BMP7: variants seen among roughly 807,000 people sequenced by gnomAD.
The protein encoded by BMP7 is osteogenic protein 1.
In BMP7, 12 loss-of-function variants were observed where a neutral mutation model predicts 41.2. The ratio of observed to expected loss-of-function variants is 0.29; its 90% CI spans 0.19 to 0.47. The LOEUF is 0.47. Ranked by LOEUF, BMP7 falls within the 20% of genes least tolerant of loss-of-function variation. The pLI is 0.99. For missense variants in BMP7, 467 were observed against 606.0 expected (o/e 0.77, Z 2.41); for synonymous variants, 248 against 250.0 (o/e 0.99, Z 0.07).
intron 4 of BMP7, among the ~76,000 whole-genome samples, 153 bp from the exon 5 acceptor site, chr20:57,175,160 G>T (rs955918110): frequency 2.0e-5 from 3 of 152,212 alleles, no homozygotes; most frequent in African/African-American, 7.2e-5. Flanking sequence ...CAGTTCGAGG[G>T]TCTAACTGCC....
rs2066153557 is a variant in BMP7 at position 57,261,434 on chromosome 20, A to G, written c.418+4271T>C. On this transcript the variant is annotated intron_variant, in intron 1 of 6. Transcript: ENST00000395863. The surrounding 1 kb of genome is among the most constrained non-coding windows in gnomAD (Gnocchi z 4.1). ...AAGTTGGCATCCAGGGCTCAGCCTT[A>G]CCCTGCCTTGATTCCAGAAGGAAAA... 6.6e-6 allele frequency among the ~76,000 whole-genome samples: 1 copy of G among 152,190 alleles called. No homozygotes were observed. The highest frequency in any genetic ancestry group is 1.5e-5 in the Non-Finnish European group (1 of 68,036).
chr20:57,227,009 TAG>T (rs2123116249), intron 2 of BMP7, among the ~76,000 whole-genome samples: 1 of 152,184 alleles, frequency 6.6e-6, no homozygotes, highest in Non-Finnish European at 1.5e-5. Flanking sequence ...CTATTTTTAG[TAG>T]AGACGGGGTT....
chr20:57,220,603 C>T (rs1036567858), intron 2 of BMP7, among the ~76,000 whole-genome samples: 3 of 152,170 alleles, frequency 2.0e-5, no homozygotes, highest in Non-Finnish European at 2.9e-5. Flanking sequence ...TTCCCAAATG[C>T]ATCCCAGTGT....
chr20:57,190,590 G>A (rs1600733146), intron 3 of BMP7, among the ~76,000 whole-genome samples: 2 of 152,214 alleles, frequency 1.3e-5, no homozygotes, highest in East Asian at 3.9e-4. Flanking sequence ...ACGTGGCCAG[G>A]GTTCTGTGGT....
intron 3 of BMP7, among the ~76,000 whole-genome samples, chr20:57,198,109 G>C (rs1186856459): frequency 2.0e-5 from 2 of 100,274 alleles, no homozygotes. Context: ...CTCTCCTCTT[G>C]CTCTCCTCTC....
At chr20:57,216,539 C>T (rs1057233579) in intron 2 of BMP7, among the ~76,000 whole-genome samples, 73 of 150,100 alleles carry the variant, frequency 4.9e-4, no homozygotes, top group Non-Finnish European at 2.4e-4. Context: ...AGGGGGCTGT[C>T]TCCTGAGGGC....
chr20:57,175,685 C>T (rs1368169343), intron 4 of BMP7, among the ~76,000 whole-genome samples: 1 of 152,194 alleles, frequency 6.6e-6, no homozygotes, highest in African/African-American at 2.4e-5. Context: ...GTCTGTCTGT[C>T]TTGTCTCTCT....
rs371949372 is a variant in BMP7 at position 57,183,963 on chromosome 20, G to A, written c.761-44C>T. The A allele has an allele frequency of 1.8e-4, 283 of 1,602,656 alleles. 1 individual carries two copies. The highest frequency in any genetic ancestry group is 6.8e-5 in the Admixed American group (4 of 59,214). ...AGTGCACAGAAGAGTAGTTACAGGA[G>A]GGCCACGAGCGGGACAGGGCTGCAG... On this transcript the variant is annotated intron_variant, in intron 3 of 6. Transcript: ENST00000395863.
At chr20:57,185,808 G>C (rs1450798539) in intron 3 of BMP7, among the ~76,000 whole-genome samples, 4 of 152,124 alleles carry the variant, frequency 2.6e-5, no homozygotes, top group African/African-American at 9.7e-5. Context: ...TCAGGGCAGA[G>C]CTTTGCATAC....
intron 2 of BMP7, among the ~76,000 whole-genome samples, chr20:57,218,028 G>A (rs919955390): frequency 6.6e-6 from 1 of 152,234 alleles, no homozygotes. Context: ...GATATCAACA[G>A]ACATCTGTAT....
At position 57,259,760 on chromosome 20, in the gene BMP7, C is replaced by T. The variant is rs925934093; in HGVS notation, c.418+5945G>A. 6.6e-6 allele frequency among the ~76,000 whole-genome samples: 1 copy of T among 152,164 alleles called. No individual in the cohort carries two copies. Among genetic ancestry groups the T allele is most frequent in the Non-Finnish European group, 1.5e-5 (1 of 68,032 alleles). ...AAACTTCATGCACTCTAATATCCCC[C>T]CAAATCATAAACACTCTACTTTGGA... On this transcript the variant is annotated intron_variant, in intron 1 of 6. Coordinates refer to ENST00000395863, the MANE Select transcript of BMP7 (RefSeq NM_001719.3). The surrounding 1 kb of genome is among the most constrained non-coding windows in gnomAD (Gnocchi z 4.7).
chr20:57,226,078 G>C, intron 2 of BMP7: 1 of 407,476 alleles, frequency 2.5e-6, no homozygotes, highest in South Asian at 1.8e-5. Context: ...CAGGGAGGAC[G>C]CCTGGAACGC....
At chr20:57,201,005 A>G (rs912158540) in intron 3 of BMP7, among the ~76,000 whole-genome samples, 1 of 152,094 alleles carries the variant, frequency 6.6e-6, no homozygotes, top group African/African-American at 2.4e-5. Context: ...TCTCCTTTAC[A>G]TGTGTATTAC....
At chr20:57,206,081 A>G (rs150170043) in intron 2 of BMP7, among the ~76,000 whole-genome samples, 26 of 152,280 alleles carry the variant, frequency 1.7e-4, no homozygotes, top group African/African-American at 5.1e-4. Flanking sequence ...GAGAGGGGGA[A>G]TTTCTAGCTG....
At chr20:57,210,319 G>A (rs1445260368) in intron 2 of BMP7, among the ~76,000 whole-genome samples, 1 of 152,202 alleles carries the variant, frequency 6.6e-6, no homozygotes, top group African/African-American at 2.4e-5. Flanking sequence ...GGAGCAGGAC[G>A]AGGAACCGCA....
rs527565011 is a variant in BMP7, at chr20:57,203,177, GCAGATACTCTT to G, written c.612-565_612-555del. On this transcript the variant is annotated intron_variant, in intron 2 of 6. Transcript: ENST00000395863. ...TCAGCCCATTTACCTGTGTACCAGA[GCAGATACTCTT>G]CATTTCCAGGACGTGCACCATCTTT... 2.6e-5 allele frequency among the ~76,000 whole-genome samples: 4 copies of G among 152,284 alleles called. No individual in the cohort carries two copies. In the South Asian group the frequency reaches 6.2e-4, roughly 24 times the overall value.
intron 4 of BMP7, chr20:57,178,070 G>T: frequency 6.6e-6 from 1 of 152,610 alleles, no homozygotes; most frequent in Non-Finnish European, 1.5e-5. Context: ...AGAAGCTGGA[G>T]TGAGCGGGCA....
chr20:57,192,373 T>A (rs1984390017), intron 3 of BMP7, among the ~76,000 whole-genome samples: 1 of 148,122 alleles, frequency 6.8e-6, no homozygotes, highest in African/African-American at 2.5e-5. Context: ...AAGCACATAC[T>A]AACGTAGGTG....
chr20:57,232,075 G>A (rs897144242), intron 1 of BMP7, among the ~76,000 whole-genome samples: 1 of 152,172 alleles, frequency 6.6e-6, no homozygotes. Context: ...TCAGGTGAGC[G>A]GCTGAACTCC....
Sources: gnomAD v4.1 joint callset for allele counts (sites outside exome capture counted in the v4.1 genomes callset) on GRCh38, gnomAD v4.1.1 for gene constraint, Gnocchi (gnomAD v3.1) non-coding constraint, MANE v1.5 for transcripts, NCBI Gene and HGNC (gene_info 2026-07-23, HGNC 2026-07-21) for gene names.